The following CTTNBP2NL variants were observed in gnomAD, a reference collection of about 807,000 sequenced individuals.
The protein encoded by CTTNBP2NL is CTTNBP2 N-terminal-like protein.
A neutral mutation model predicts 32.5 loss-of-function variants in CTTNBP2NL; 16 were observed. That is an observed-to-expected ratio of 0.49 (90% confidence interval 0.33 to 0.75). The LOEUF is 0.75. Ranked by LOEUF, CTTNBP2NL falls within the 30% of genes least tolerant of loss-of-function variation. The probability of loss-of-function intolerance (pLI) is 0.02; values close to 1 mark genes in which losing one functional copy is unlikely to be tolerated. For missense variants in CTTNBP2NL, 645 were observed against 756.0 expected, an observed-to-expected ratio of 0.85 and a Z score of 1.72; for synonymous variants, 298 against 289.4, an observed-to-expected ratio of 1.03 and a Z score of -0.30.
intron 4 of CTTNBP2NL, among the ~76,000 whole-genome samples, chr1:112,453,151 AG>A (rs1410121000): frequency 6.6e-6 from 1 of 151,446 alleles, no homozygotes; most frequent in Non-Finnish European, 1.5e-5. Flanking sequence ...GGAGAGGGAG[AG>A]GGAGAAATAA....
intron 3 of CTTNBP2NL, among the ~76,000 whole-genome samples, chr1:112,437,244 C>G (rs1051251978): frequency 6.6e-6 from 1 of 152,210 alleles, no homozygotes; most frequent in Non-Finnish European, 1.5e-5. Context: ...TACACTCCCA[C>G]TAATAGTGTA....
Position 112,456,222 on chromosome 1 carries a change from A to T in CTTNBP2NL, c.730A>T (p.Ile244Phe). 1 of 1,614,148 alleles carries T rather than the reference A, an allele frequency of 6.2e-7. No individual in the cohort carries two copies. The highest frequency in any genetic ancestry group is 8.5e-7 in the Non-Finnish European group (1 of 1,180,038). ...QVEKQLSEFD[I>F]EREQLRAKLN... is the part of the protein sequence containing the mutation. ...AGAGAAGCAGTTATCAGAGTTTGAC[A>T]TCGAAAGGGAACAACTGAGAGCAAA... Residue 244 changes from isoleucine to phenylalanine, a missense_variant, in exon 6 of 6, where the codon ATC (isoleucine) becomes TTC (phenylalanine). By Grantham distance (21) the Ile-to-Phe change is conservative (BLOSUM62 0). Coordinates refer to ENST00000271277, the MANE Select transcript of CTTNBP2NL (RefSeq NM_018704.3).
At chr1:112,438,056 G>A (rs1557893909) in intron 3 of CTTNBP2NL, among the ~76,000 whole-genome samples, 1 of 152,092 alleles carries the variant, frequency 6.6e-6, no homozygotes, top group Non-Finnish European at 1.5e-5. Flanking sequence ...TATTGTCTAG[G>A]TTGTCTTCCA....
intron 3 of CTTNBP2NL, among the ~76,000 whole-genome samples, chr1:112,424,178 CTATGA>C (rs1649320657): frequency 2.0e-5 from 3 of 152,130 alleles, no homozygotes; most frequent in African/African-American, 7.2e-5. Flanking sequence ...ACACTTAAGT[CTATGA>C]TATATCTTCA....
rs1290632618 is a variant in CTTNBP2NL, at chr1:112,454,445, A to G, written c.331-4A>G. On this transcript the variant is annotated splice_region_variant and splice_polypyrimidine_tract_variant and intron_variant, in intron 4 of 5. Transcript: ENST00000271277. ...GAAAATGAAATTTAAAAAATTCTTT[A>G]AAGGTGATCCTAGACCTTGAGGAAG... is the stretch of plus-strand genomic sequence containing the variant. The G allele has an allele frequency of 1.3e-5, 21 of 1,607,822 alleles. No individual in the cohort carries two copies. Among genetic ancestry groups the G allele is most frequent in the Non-Finnish European group, 1.7e-5 (20 of 1,175,880 alleles).
At chr1:112,425,836 T>C (rs751442414) in intron 3 of CTTNBP2NL, among the ~76,000 whole-genome samples, 2 of 152,122 alleles carry the variant, frequency 1.3e-5, no homozygotes, top group Admixed American at 6.6e-5. Flanking sequence ...GCACTCCAAC[T>C]TGGGAGACAG....
chr1:112,455,940 G>T lies in CTTNBP2NL; in HGVS notation c.448G>T (p.Glu150Ter). ...TTCTTTTTTTTTCTAGTTGGAATTT[G>T]AAAAATCCCAAGTGAAAAAGTTTGA... is the stretch of plus-strand genomic sequence containing the variant. ...RERLTQQLEF[E>*]KSQVKKFEKE... Residue 150 changes from glutamate to a stop codon, truncating the protein, a stop_gained, in exon 6 of 6, where the codon GAA becomes TAA. Coordinates refer to ENST00000271277, the MANE Select transcript of CTTNBP2NL (RefSeq NM_018704.3). LOFTEE classifies it high-confidence loss of function. 3 of 1,576,966 alleles carry T rather than the reference G, an allele frequency of 1.9e-6. No individual in the cohort carries two copies. The highest frequency in any genetic ancestry group is 2.0e-5 in the Admixed American group (1 of 50,264).
intron 3 of CTTNBP2NL, among the ~76,000 whole-genome samples, chr1:112,420,834 A>G (rs947832237): frequency 2.0e-5 from 3 of 152,198 alleles, no homozygotes; most frequent in Non-Finnish European, 4.4e-5. Flanking sequence ...ACATAAAGAT[A>G]ATTACTAGGC....
chr1:112,425,597 C>T (rs1475353158), intron 3 of CTTNBP2NL, among the ~76,000 whole-genome samples: 2 of 151,894 alleles, frequency 1.3e-5, no homozygotes, highest in Non-Finnish European at 2.9e-5. Flanking sequence ...ACGACGGTGG[C>T]TCATGCCTAT....
In CTTNBP2NL at chr1:112,454,532, G is replaced by A. The variant is rs976201834; in HGVS notation, c.414G>A (p.Lys138=). ...ATGATGTCACCTACATGCTAGAGAA[G>A]GAAAGAGAGAGGCTGACTCAACAGG... is the stretch of plus-strand genomic sequence containing the variant. The part of the protein sequence containing the change: ...EGDDVTYMLE[K]ERERLTQQLE... Residue 138 remains lysine, a synonymous_variant, in exon 5 of 6, where the codon AAG becomes AAA. Transcript: ENST00000271277. 2 of 1,613,400 alleles carry A rather than the reference G, an allele frequency of 1.2e-6. No homozygotes were observed.
rs1165036789 is a variant in CTTNBP2NL at position 112,448,929 on chromosome 1, T to C, written c.100-13T>C. 4.7e-6 allele frequency: 7 copies of C among 1,493,004 alleles called. No homozygotes were observed. The highest frequency in any genetic ancestry group is 2.3e-5 in the South Asian group (2 of 87,618). 92.5% of individuals were successfully genotyped at this position (1,493,004 alleles called of 1,614,324 possible). On this transcript the variant is annotated splice_polypyrimidine_tract_variant and intron_variant, in intron 3 of 5. Transcript: ENST00000271277. The stretch of plus-strand genomic sequence containing the variant: ...TAAAAAGCAAGATGCTTATTTTTTT[T>C]CCTCTTTCCCAGGCCCAACACAGAG...
chr1:112,403,565 A>C (rs1284605944), intron 1 of CTTNBP2NL, among the ~76,000 whole-genome samples: 2 of 152,250 alleles, frequency 1.3e-5, no homozygotes, highest in African/African-American at 4.8e-5. Context: ...ATGTAGATAC[A>C]TATCCATTAT....
Position 112,457,697 on chromosome 1 carries a change from A to C in CTTNBP2NL, c.*285A>C. On this transcript the variant is annotated 3_prime_UTR_variant, in exon 6 of 6. Transcript: ENST00000271277. The stretch of plus-strand genomic sequence containing the variant: ...GAAGAAAGCGAATCACCAGGTGGTG[A>C]TTTGCTATCTATTTGAGAACTAGAA... 1 of 303,194 alleles carries C rather than the reference A, an allele frequency of 3.3e-6. No individual in the cohort carries two copies. Among genetic ancestry groups the C allele is most frequent in the Non-Finnish European group, 6.1e-6 (1 of 164,108 alleles). The allele number at this position is 303,194 out of a possible 1,614,324, so 18.8% of individuals were successfully genotyped here. A position where few individuals can be genotyped will look rare whatever the true frequency, so the allele number is the denominator to read the frequency against.
upstream of CTTNBP2NL, among the ~76,000 whole-genome samples, chr1:112,394,482 C>G (rs1288291993): frequency 6.6e-6 from 1 of 152,158 alleles, no homozygotes; most frequent in South Asian, 2.1e-4. Context: ...TTATTGAGTA[C>G]CTACTCTGTG....
At chr1:112,445,577 C>T (rs934674079) in intron 3 of CTTNBP2NL, among the ~76,000 whole-genome samples, 2 of 152,198 alleles carry the variant, frequency 1.3e-5, no homozygotes, top group Non-Finnish European at 2.9e-5. Flanking sequence ...GAGAATCGCT[C>T]TCTGACAAGG....
At chr1:112,400,492 C>T (rs1217361182) in intron 1 of CTTNBP2NL, among the ~76,000 whole-genome samples, 1 of 152,180 alleles carries the variant, frequency 6.6e-6, no homozygotes, top group Non-Finnish European at 1.5e-5. Context: ...AAAACTCTGT[C>T]TCTACTAAAA....
intron 3 of CTTNBP2NL, among the ~76,000 whole-genome samples, chr1:112,443,601 G>A (rs1202223905): frequency 1.3e-5 from 2 of 152,140 alleles, no homozygotes; most frequent in African/African-American, 4.8e-5. Flanking sequence ...TGCCTGCCTT[G>A]GCCTCCCAAA....
At chr1:112,440,699 T>C (rs912191523) in intron 3 of CTTNBP2NL, among the ~76,000 whole-genome samples, 1 of 152,230 alleles carries the variant, frequency 6.6e-6, no homozygotes, top group Admixed American at 6.5e-5. Flanking sequence ...GCTAACATAG[T>C]CAGCACTTAA....
intron 3 of CTTNBP2NL, among the ~76,000 whole-genome samples, chr1:112,446,597 G>A (rs1261475522): frequency 6.6e-6 from 1 of 152,086 alleles, no homozygotes; most frequent in African/African-American, 2.4e-5. Flanking sequence ...CTGTTAACCA[G>A]GCTGGAATGT....
Sources: allele counts gnomAD v4.1 joint callset (sites outside exome capture counted in the v4.1 genomes callset), GRCh38; gene constraint gnomAD v4.1.1; transcripts MANE v1.5; gene names NCBI Gene and HGNC (gene_info 2026-07-23, HGNC 2026-07-21).